The following POGZ variants were observed in gnomAD, a reference collection of about 807,000 sequenced individuals.
POGZ encodes pogo transposable element with ZNF domain.
Under a neutral mutation model 134.6 loss-of-function variants are expected in POGZ, and 17 were observed. The observed-to-expected ratio is 0.13, with a 90% confidence interval of 0.09 to 0.19. The LOEUF (loss-of-function observed/expected upper bound fraction) is 0.19. Among genes scored for constraint, POGZ ranks in the 10% least tolerant of loss-of-function variants. The probability of loss-of-function intolerance (pLI) is 1.00; values close to 1 mark genes in which losing one functional copy is unlikely to be tolerated. For missense variants in POGZ, 1,306 were observed against 1,769.7 expected (o/e 0.74, Z 4.70); for synonymous variants, 693 against 657.1 (o/e 1.05, Z -0.84).
intron 1 of POGZ, among the ~76,000 whole-genome samples, chr1:151,448,500 TCAAA>T (rs1371093217): frequency 3.9e-5 from 6 of 152,084 alleles, no homozygotes; most frequent in Non-Finnish European, 8.8e-5. Context: ...AAAAATATAA[TCAAA>T]CAATCAAAGG....
chr1:151,432,341 A>C (rs1658834258), intron 3 of POGZ, among the ~76,000 whole-genome samples: 1 of 152,170 alleles, frequency 6.6e-6, no homozygotes, highest in Non-Finnish European at 1.5e-5. Context: ...CCACCAAAGG[A>C]ATAGGTATGT....
chr1:151,421,615 A>G (rs1157046891), intron 10 of POGZ, among the ~76,000 whole-genome samples: 1 of 152,274 alleles, frequency 6.6e-6, no homozygotes, highest in Non-Finnish European at 1.5e-5. Context: ...TTATCTGGAC[A>G]TAGTGCCTGA....
chr1:151,418,370 G>A (rs951442717), intron 10 of POGZ, among the ~76,000 whole-genome samples: 3 of 152,084 alleles, frequency 2.0e-5, no homozygotes, highest in Non-Finnish European at 4.4e-5. Context: ...CCACTCATAT[G>A]TGGGAGCTAA....
chr1:151,419,887 G>T (rs986131437), intron 10 of POGZ, among the ~76,000 whole-genome samples: 3 of 151,940 alleles, frequency 2.0e-5, no homozygotes, highest in African/African-American at 7.3e-5. Flanking sequence ...TTTTCCATAA[G>T]GAAAAACTTA....
intron 10 of POGZ, among the ~76,000 whole-genome samples, chr1:151,422,121 T>C (rs1657017405): frequency 6.6e-6 from 1 of 152,200 alleles, no homozygotes; most frequent in Non-Finnish European, 1.5e-5. Flanking sequence ...TGCATATGTC[T>C]TCTATGCTTT....
At chr1:151,439,069 C>T (rs1428300735) in intron 3 of POGZ, 1 of 151,882 alleles carries the variant, frequency 6.6e-6, no homozygotes, top group East Asian at 1.9e-4. Context: ...TATACAACTC[C>T]CCCACTGCTA....
intron 10 of POGZ, among the ~76,000 whole-genome samples, chr1:151,413,874 C>T (rs1236753350): frequency 1.3e-5 from 2 of 152,068 alleles, no homozygotes; most frequent in African/African-American, 4.8e-5. Flanking sequence ...AACAAACAAA[C>T]AAAAGCCAGG....
intron 1 of POGZ, among the ~76,000 whole-genome samples, chr1:151,444,519 T>TCC (rs1218039150): frequency 6.6e-6 from 1 of 152,232 alleles, no homozygotes; most frequent in Non-Finnish European, 1.5e-5. Flanking sequence ...GAATATAAAC[T>TCC]GTGGACAATA....
chr1:151,453,809 A>C (rs953657263), intron 1 of POGZ, among the ~76,000 whole-genome samples: 2 of 152,216 alleles, frequency 1.3e-5, no homozygotes, highest in African/African-American at 4.8e-5. Context: ...GTCTATACTA[A>C]GGCCCTATAT....
At position 151,428,298 on chromosome 1, in the gene POGZ, G is replaced by A. The variant is rs1658107329; in HGVS notation, c.684C>T (p.Thr228=). 1.2e-6 allele frequency: 2 copies of A among 1,614,042 alleles called. No individual in the cohort carries two copies. The highest frequency in any genetic ancestry group is 1.3e-5 in the African/African-American group (1 of 74,912). Residue 228 remains threonine (T), a synonymous_variant, in exon 6 of 19, where the codon ACC becomes ACT. Coordinates refer to ENST00000271715, the MANE Select transcript of POGZ (RefSeq NM_015100.4). ...MPVRPTTNTF[T]TVIPATLTIR... ...TGGTAAGAGTGGCCGGGATGACGGT[G>A]GTGAAGGTGTTGGTGGTGGGCCTCA... is the stretch of plus-strand genomic sequence containing the variant.
chr1:151,455,894 CTTTTTT>C (rs768038263), intron 1 of POGZ, among the ~76,000 whole-genome samples: 13 of 117,592 alleles, frequency 1.1e-4, no homozygotes, highest in East Asian at 8.0e-4. Context: ...TAGTTTCTTT[CTTTTTT>C]TTTTTTTTTT....
chr1:151,413,284 A>T (rs1162530680), intron 10 of POGZ, among the ~76,000 whole-genome samples: 1 of 151,538 alleles, frequency 6.6e-6, no homozygotes, highest in Non-Finnish European at 1.5e-5. Context: ...CCAAGTAATT[A>T]AAAAAAATTT....
In POGZ at chr1:151,429,725, C is replaced by T. The variant is rs757780797; in HGVS notation, c.460-14G>A. ...TACAGGAAATCCCTGTATTAAAAAG[C>T]AAAATGATCTTTAACATGGAGACCA... On this transcript the variant is annotated splice_polypyrimidine_tract_variant and intron_variant, in intron 4 of 18. Transcript: ENST00000271715. 13 of 1,494,776 alleles carry T rather than the reference C, an allele frequency of 8.7e-6. No individual in the cohort carries two copies. In the South Asian group the frequency reaches 1.4e-4, roughly 16 times the overall value. 92.6% of individuals were successfully genotyped at this position (1,494,776 alleles called of 1,614,324 possible).
At chr1:151,411,830 A>T (rs1336985788) in intron 11 of POGZ, 59 bp from the exon 12 acceptor site, 6 of 1,344,618 alleles carry the variant, frequency 4.5e-6, no homozygotes, top group Non-Finnish European at 6.0e-6. Flanking sequence ...GAGAGGCCTT[A>T]AAAAAAAAGG....
At chr1:151,428,450 T>A in intron 5 of POGZ, 37 bp from the exon 6 acceptor site, 1 of 1,592,948 alleles carries the variant, frequency 6.3e-7, no homozygotes, top group Non-Finnish European at 8.6e-7. Flanking sequence ...TCTTGGTCAG[T>A]GAGCTCACCT....
intron 9 of POGZ, 119 bp downstream of exon 9, chr1:151,423,830 A>G (rs745865340): frequency 2.8e-4 from 217 of 762,068 alleles, no homozygotes; most frequent in Non-Finnish European, 4.2e-4. Flanking sequence ...ATTTAATGAT[A>G]ACCCCAGCAA....
At chr1:151,453,493 C>A (rs1662394029) in intron 1 of POGZ, among the ~76,000 whole-genome samples, 1 of 150,452 alleles carries the variant, frequency 6.6e-6, no homozygotes, top group Non-Finnish European at 1.5e-5. Flanking sequence ...TAAGACATAG[C>A]AAAATAGTTA....
chr1:151,424,956 C>T lies in POGZ; in HGVS notation c.1184G>A (p.Cys395Tyr). ...TGGATCACAGGTGATATCACTTACA[C>T]ACATGTGACCTCTCAAAGCTTCAGT... ...RVTEALRGHM[C>Y]YCCPEMVEYQ... is the part of the protein sequence containing the mutation. Residue 395 changes from cysteine (C) to tyrosine (Y), a missense_variant and splice_region_variant, in exon 8 of 19, where the codon TGT becomes TAT. By Grantham distance (194) the Cys-to-Tyr change is radical (BLOSUM62 -2). Coordinates refer to ENST00000271715, the MANE Select transcript of POGZ (RefSeq NM_015100.4). 6.6e-7 allele frequency: 1 copy of T among 1,524,684 alleles called. No homozygotes were observed. The highest frequency in any genetic ancestry group is 9.1e-7 in the Non-Finnish European group (1 of 1,104,646). 94.4% of individuals were successfully genotyped at this position (1,524,684 alleles called of 1,614,324 possible).
rs1653241453 is a variant in POGZ at position 151,404,663 on chromosome 1, A to C, written c.*139T>G. The stretch of plus-strand genomic sequence containing the variant: ...CAAATCCACAGGGAAGTGTAAGTCA[A>C]CTTCAGGGGGGAGTGGTGGTATAAA... On this transcript the variant is annotated 3_prime_UTR_variant, in exon 19 of 19. Transcript: ENST00000271715. 1 of 1,402,562 alleles carries C rather than the reference A, an allele frequency of 7.1e-7. No homozygotes were observed. The highest frequency in any genetic ancestry group is 1.7e-5 in the South Asian group (1 of 57,558). 86.9% of individuals were successfully genotyped at this position (1,402,562 alleles called of 1,614,324 possible).
Sources: allele counts gnomAD v4.1 joint callset (sites outside exome capture counted in the v4.1 genomes callset), GRCh38; gene constraint gnomAD v4.1.1; transcripts MANE v1.5; gene names NCBI Gene and HGNC (gene_info 2026-07-23, HGNC 2026-07-21).